The following KLRG1 variants were observed in gnomAD, a reference collection of about 807,000 sequenced individuals.
The protein encoded by KLRG1 is killer cell lectin-like receptor subfamily G member 1.
Under a neutral mutation model 21.8 loss-of-function variants are expected in KLRG1, and 16 were observed. The ratio of observed to expected loss-of-function variants is 0.73; its 90% CI spans 0.50 to 1.11. The LOEUF is 1.11. Among genes scored for constraint, KLRG1 ranks in the 50% most tolerant of loss-of-function variants. The pLI, the probability that KLRG1 is intolerant of heterozygous loss-of-function variation, is 0.00. For missense variants in KLRG1, 173 were observed against 218.3 expected, an observed-to-expected ratio of 0.79 and a Z score of 1.31; for synonymous variants, 69 against 75.9, an observed-to-expected ratio of 0.91 and a Z score of 0.47.
chr12:8,986,053 T>C (rs1946837913), upstream of KLRG1, among the ~76,000 whole-genome samples: 1 of 152,162 alleles, frequency 6.6e-6, no homozygotes, highest in Non-Finnish European at 1.5e-5. Context: ...ACAGGGACCA[T>C]AGGAGTTAGG....
the KLRG1 span, chr12:9,077,081 T>A: frequency 2.7e-6 from 2 of 741,984 alleles, no homozygotes; most frequent in Non-Finnish European, 4.1e-6. Flanking sequence ...ATAATATTAT[T>A]TTTATCTGTT....
At chr12:9,165,053 T>C in the KLRG1 span, 1 of 1,462,394 alleles carries the variant, frequency 6.8e-7, no homozygotes, top group African/African-American at 1.4e-5. Context: ...GAATTATCCT[T>C]AGTCTCAGGA....
At chr12:9,036,777 G>C in the KLRG1 span, 1 of 388,486 alleles carries the variant, frequency 2.6e-6, no homozygotes, top group South Asian at 2.4e-5. Context: ...TTTTGATTTT[G>C]CTGGACCTGC....
At chr12:9,089,675 A>C in the KLRG1 span, among the ~76,000 whole-genome samples, 4 of 152,182 alleles carry the variant, frequency 2.6e-5, no homozygotes, top group African/African-American at 9.7e-5. Flanking sequence ...CAGGAGGCGG[A>C]GGTTGCAGTG....
At chr12:9,162,490 A>G in the KLRG1 span, 1 of 807,262 alleles carries the variant, frequency 1.2e-6, no homozygotes. Flanking sequence ...GCTGACTTTC[A>G]TGGAACACTC....
chr12:8,951,905 A>C (rs1946211821), intron 1 of KLRG1, among the ~76,000 whole-genome samples: 1 of 152,160 alleles, frequency 6.6e-6, no homozygotes, highest in Non-Finnish European at 1.5e-5. Context: ...GTCTGCTGTC[A>C]GAGTGGAAGC....
At chr12:9,081,673 G>A in the KLRG1 span, among the ~76,000 whole-genome samples, 1 of 152,248 alleles carries the variant, frequency 6.6e-6, no homozygotes, top group African/African-American at 2.4e-5. Context: ...CACAATGCCA[G>A]ATAGAGAGGA....
the KLRG1 span, among the ~76,000 whole-genome samples, chr12:9,026,380 T>C: frequency 2.0e-5 from 3 of 152,234 alleles, no homozygotes; most frequent in African/African-American, 7.2e-5. Context: ...AAAATGTTAA[T>C]AGATACCACT....
the KLRG1 span, chr12:9,203,815 T>G: frequency 4.3e-6 from 7 of 1,614,084 alleles, no homozygotes; most frequent in Non-Finnish European, 5.9e-6. Context: ...ACCAGGTCAG[T>G]GAAGAGGCTC....
the KLRG1 span, chr12:9,076,841 C>T: frequency 2.5e-6 from 4 of 1,614,066 alleles, no homozygotes; most frequent in African/African-American, 1.3e-5. Context: ...CATAGGCCAG[C>T]AGTGCTTTGG....
the KLRG1 span, among the ~76,000 whole-genome samples, chr12:9,084,921 A>T: frequency 7.9e-5 from 12 of 152,124 alleles, no homozygotes; most frequent in African/African-American, 2.9e-4. Flanking sequence ...CAAAAACTGT[A>T]CAAAGAGACA....
At chr12:9,046,197 C>A in the KLRG1 span, among the ~76,000 whole-genome samples, 5 of 151,974 alleles carry the variant, frequency 3.3e-5, no homozygotes, top group South Asian at 6.2e-4. Flanking sequence ...TGAAAATTTC[C>A]CAAACTGAAA....
the KLRG1 span, among the ~76,000 whole-genome samples, chr12:9,174,356 G>C: frequency 2.6e-5 from 4 of 152,080 alleles, no homozygotes; most frequent in African/African-American, 9.7e-5. Context: ...CAAACACACA[G>C]CCAATATCAT....
chr12:9,094,340 CATAT>C, the KLRG1 span, among the ~76,000 whole-genome samples: 10,252 of 96,948 alleles, frequency 0.11, 458 homozygotes, highest in Middle Eastern at 0.15. Flanking sequence ...AAAAATTGTG[CATAT>C]ATATATATAT....
chr12:8,966,946 CA>C (rs1381520878), intron 1 of KLRG1, among the ~76,000 whole-genome samples: 315 of 147,772 alleles, frequency 2.1e-3, no homozygotes, highest in African/African-American at 7.4e-3. Context: ...AAATGTCCAA[CA>C]ATGATAGACT....
chr12:9,176,640 A>T, the KLRG1 span, among the ~76,000 whole-genome samples: 1 of 152,236 alleles, frequency 6.6e-6, no homozygotes, highest in Admixed American at 6.5e-5. Flanking sequence ...GCAGGGCCAG[A>T]GGCCTGAATA....
chr12:9,131,267 C>G, the KLRG1 span, among the ~76,000 whole-genome samples: 1 of 152,096 alleles, frequency 6.6e-6, no homozygotes, highest in Non-Finnish European at 1.5e-5. Context: ...ATTTCAGATT[C>G]CTCGAGATTC....
At chr12:9,155,492 ATTG>A in the KLRG1 span, among the ~76,000 whole-genome samples, 28,220 of 151,306 alleles carry the variant, frequency 0.19, 2,969 homozygotes, top group East Asian at 0.46. Flanking sequence ...TGTTGTTGTT[ATTG>A]TTGTTGTTGT....
the KLRG1 span, chr12:9,099,422 C>G: frequency 1.3e-6 from 2 of 1,580,172 alleles, no homozygotes; most frequent in African/African-American, 2.7e-5. Context: ...TTTGCAGAAT[C>G]CCCAATCACG....
Sources: allele counts gnomAD v4.1 joint callset (sites outside exome capture counted in the v4.1 genomes callset), GRCh38; gene constraint gnomAD v4.1.1; transcripts MANE v1.5; gene names NCBI Gene and HGNC (gene_info 2026-07-23, HGNC 2026-07-21).